MYZAP: variants seen among roughly 807,000 people sequenced by gnomAD.
MYZAP encodes GRINL1A complex locus upstream.
In MYZAP, 66 loss-of-function variants were observed where a neutral mutation model predicts 69.4. The observed-to-expected ratio is 0.95, with a 90% CI of 0.78 to 1.17. The LOEUF (loss-of-function observed/expected upper bound fraction) is 1.17, where lower values mean the gene tolerates loss of function less well. Ranked by LOEUF, MYZAP falls within the 50% of genes most tolerant of loss-of-function variation. The pLI is 0.00. For synonymous variants in MYZAP, 256 were observed against 205.9 expected, an observed-to-expected ratio of 1.24 and a Z score of -2.09; for missense variants, 611 against 556.2, an observed-to-expected ratio of 1.10 and a Z score of -0.99.
intron 2 of MYZAP, among the ~76,000 whole-genome samples, chr15:57,615,834 CA>C (rs2035402166): frequency 6.6e-6 from 1 of 152,170 alleles, no homozygotes; most frequent in Non-Finnish European, 1.5e-5. Context: ...AAGCATTTAC[CA>C]GAAACAAGTA....
chr15:57,648,754 A>G (rs2037576444), intron 10 of MYZAP, among the ~76,000 whole-genome samples: 1 of 151,054 alleles, frequency 6.6e-6, no homozygotes, highest in Non-Finnish European at 1.5e-5. Flanking sequence ...TAGGATTAAC[A>G]AATGTTGCCA....
At chr15:57,610,766 C>A (rs12909585) in intron 2 of MYZAP, among the ~76,000 whole-genome samples, 63,745 of 151,988 alleles carry the variant, frequency 0.42, 13,595 homozygotes, top group East Asian at 0.56. Context: ...CATCAGGCCC[C>A]CAACTCTTCA....
chr15:57,601,268 G>T (rs538423850), intron 1 of MYZAP, among the ~76,000 whole-genome samples: 79 of 108,982 alleles, frequency 7.2e-4, no homozygotes, highest in African/African-American at 3.1e-3. Flanking sequence ...GTACGTGTGT[G>T]CACACTTGTG....
At chr15:57,618,420 A>G (rs1156727179) in intron 3 of MYZAP, among the ~76,000 whole-genome samples, 15 of 152,244 alleles carry the variant, frequency 9.9e-5, no homozygotes, top group African/African-American at 3.6e-4. Flanking sequence ...CTAGGTAAGT[A>G]TACTCAGGAG....
At chr15:57,676,024 C>T (rs895429165) in intron 12 of MYZAP, among the ~76,000 whole-genome samples, 12 of 151,976 alleles carry the variant, frequency 7.9e-5, no homozygotes, top group South Asian at 4.2e-4. Context: ...GAAGTAGTGA[C>T]GAGCCGATCA....
intron 10 of MYZAP, chr15:57,647,737 T>A: frequency 1.0e-6 from 1 of 985,434 alleles, no homozygotes; most frequent in Non-Finnish European, 1.2e-6. Flanking sequence ...CCTCCTGCAC[T>A]TGGCCCTGGC....
Position 57,604,253 on chromosome 15 carries a change from T to C in MYZAP, c.76-16T>C. 2.5e-6 allele frequency: 4 copies of C among 1,613,778 alleles called. No individual in the cohort carries two copies. Among genetic ancestry groups the C allele is most frequent in the Non-Finnish European group, 3.4e-6 (4 of 1,179,852 alleles). On this transcript the variant is annotated splice_polypyrimidine_tract_variant and intron_variant, in intron 1 of 12. Transcript: ENST00000267853. ...ATGCTGACTCCTAACTGGCCTCTCC[T>C]TTCCCTCTCTTCTAGGCAAATGTTT...
chr15:57,646,130 T>A (rs778014909), intron 10 of MYZAP: 3 of 1,288,834 alleles, frequency 2.3e-6, no homozygotes, highest in Non-Finnish European at 3.0e-6. Context: ...AATTGAACTG[T>A]CTCCAGATCA....
intron 12 of MYZAP, among the ~76,000 whole-genome samples, chr15:57,682,772 G>A (rs142731040): frequency 6.6e-6 from 1 of 152,250 alleles, no homozygotes; most frequent in African/African-American, 2.4e-5. Flanking sequence ...ATGGTTTGCA[G>A]TTCCACATCC....
intron 10 of MYZAP, chr15:57,648,504 A>G (rs532195075): frequency 3.6e-5 from 35 of 983,948 alleles, no homozygotes; most frequent in African/African-American, 3.3e-4. Flanking sequence ...TCCCATGTCA[A>G]TCATCTCTGG....
At chr15:57,598,086 C>G (rs77199454) in intron 1 of MYZAP, among the ~76,000 whole-genome samples, 2,420 of 152,314 alleles carry the variant, frequency 0.016, 58 homozygotes, top group African/African-American at 0.053. Context: ...ATCTTCTCCA[C>G]TCCCTTTTTA....
chr15:57,637,547 G>T, intron 8 of MYZAP, 148 bp from the exon 9 acceptor site: 1 of 709,906 alleles, frequency 1.4e-6, no homozygotes, highest in Non-Finnish European at 2.3e-6. Flanking sequence ...TGGCAGTTTT[G>T]AGCCTTGTTT....
chr15:57,604,349 A>C lies in MYZAP; in HGVS notation c.156A>C (p.Lys52Asn), dbSNP rs376423450. 6.2e-7 allele frequency: 1 copy of C among 1,614,090 alleles called. No homozygotes were observed. Among genetic ancestry groups the C allele is most frequent in the Non-Finnish European group, 8.5e-7 (1 of 1,180,034 alleles). ...PEQCEKKIER[K>N]EQLLDLSNGE... Reference sequence around the variant, plus strand: ...AATGTGAAAAGAAGATTGAGAGAAAAGAGCAGGTAAGGTATCTCCGAGGCA... The same window carrying C: ...AATGTGAAAAGAAGATTGAGAGAAACGAGCAGGTAAGGTATCTCCGAGGCA... Residue 52 changes from lysine (K) to asparagine (N), a missense_variant, in exon 2 of 13, where the codon AAA becomes AAC. By Grantham distance (94) the Lys-to-Asn change is moderately conservative. Coordinates refer to ENST00000267853, the MANE Select transcript of MYZAP (RefSeq NM_001018100.5).
chr15:57,599,569 C>G (rs2034282466), intron 1 of MYZAP: 3 of 1,286,002 alleles, frequency 2.3e-6, no homozygotes, highest in South Asian at 2.5e-5. Flanking sequence ...AAGCCCTGAA[C>G]CAGCTGCTTT....
At chr15:57,660,343 C>T (rs1361603261) in intron 10 of MYZAP, among the ~76,000 whole-genome samples, 1 of 152,188 alleles carries the variant, frequency 6.6e-6, no homozygotes, top group African/African-American at 2.4e-5. Context: ...CAGACAGGGT[C>T]TCACTTTGTC....
In MYZAP at chr15:57,633,737, A is replaced by C. The variant is rs746193755; in HGVS notation, c.929A>C (p.Glu310Ala). ...GELDRLIERM[E>A]KERHQLQLQL... is the part of the protein sequence containing the mutation. ...CTGGACAGGCTGATTGAGCGCATGG[A>C]AAAGGTAGGACACAGCGTTGGGCCT... The change falls in exon 8 of 13, where the codon GAA becomes GCA. Residue 310 changes from glutamate to alanine, a missense_variant. Physicochemically the swap from Glu to Ala is moderately radical, Grantham distance 107. Coordinates refer to ENST00000267853, the MANE Select transcript of MYZAP (RefSeq NM_001018100.5). 1.2e-6 allele frequency: 2 copies of C among 1,605,392 alleles called. No homozygotes were observed. Among genetic ancestry groups the C allele is most frequent in the South Asian group, 2.3e-5 (2 of 88,634 alleles).
chr15:57,647,938 G>A (rs1002851343), intron 10 of MYZAP: 8 of 985,122 alleles, frequency 8.1e-6, no homozygotes, highest in Middle Eastern at 5.2e-4. Flanking sequence ...ATCCTGCCCC[G>A]CCACCGCTTT....
chr15:57,681,944 G>A (rs764711236), intron 12 of MYZAP, among the ~76,000 whole-genome samples: 1 of 152,142 alleles, frequency 6.6e-6, no homozygotes, highest in Non-Finnish European at 1.5e-5. Flanking sequence ...CTATCACCTG[G>A]TGAATGACTG....
chr15:57,633,302 T>C (rs1331587054), intron 7 of MYZAP, among the ~76,000 whole-genome samples: 1 of 152,196 alleles, frequency 6.6e-6, no homozygotes, highest in African/African-American at 2.4e-5. Flanking sequence ...GCAAATACAG[T>C]GACATTCTGA....
Sources: allele counts gnomAD v4.1 joint callset (sites outside exome capture counted in the v4.1 genomes callset), GRCh38; gene constraint gnomAD v4.1.1; transcripts MANE v1.5; gene names NCBI Gene and HGNC (gene_info 2026-07-23, HGNC 2026-07-21).